Variants in VAV2 observed in about 807,000 individuals in gnomAD.
The protein encoded by VAV2 is guanine nucleotide exchange factor VAV2.
A neutral mutation model predicts 132.5 loss-of-function variants in VAV2; 67 were observed. The observed-to-expected ratio is 0.51, with a 90% confidence interval of 0.42 to 0.62. The LOEUF is 0.62. Ranked by LOEUF, VAV2 falls within the 20% of genes least tolerant of loss-of-function variation. The pLI, the probability that VAV2 is intolerant of heterozygous loss-of-function variation, is 0.00. For missense variants in VAV2, 938 were observed against 1,153.6 expected, an observed-to-expected ratio of 0.81 and a Z score of 2.71; for synonymous variants, 492 against 443.5, an observed-to-expected ratio of 1.11 and a Z score of -1.37.
intron 1 of VAV2, among the ~76,000 whole-genome samples, chr9:133,944,921 G>A (rs756511190): frequency 1.3e-5 from 2 of 152,210 alleles, no homozygotes; most frequent in East Asian, 3.9e-4. Flanking sequence ...CTGGCACAGA[G>A]CTCCAGGCCC....
intron 1 of VAV2, among the ~76,000 whole-genome samples, chr9:133,985,266 GTGTGTGTGTTTTGT>G (rs1309903408): frequency 7.0e-6 from 1 of 142,766 alleles, no homozygotes; most frequent in Non-Finnish European, 1.5e-5. Flanking sequence ...GTGTGTGTGT[GTGTGTGTGTTTTGT>G]TTTTGTTTTT....
At chr9:133,850,885 AGGG>A (rs1300358524) in intron 3 of VAV2, among the ~76,000 whole-genome samples, 1 of 152,254 alleles carries the variant, frequency 6.6e-6, no homozygotes, top group Non-Finnish European at 1.5e-5. Context: ...AATGGTGGGC[AGGG>A]TACCACCCTG....
At chr9:133,875,032 A>T (rs1474182841) in intron 2 of VAV2, among the ~76,000 whole-genome samples, 4 of 152,174 alleles carry the variant, frequency 2.6e-5, no homozygotes, top group Non-Finnish European at 5.9e-5. Context: ...CCCAGAAAGA[A>T]CAAGGGTGGG....
intron 2 of VAV2, among the ~76,000 whole-genome samples, chr9:133,937,472 CAT>C (rs1840959839): frequency 6.9e-6 from 1 of 145,254 alleles, no homozygotes; most frequent in Non-Finnish European, 1.5e-5. Context: ...TGAGTGTGAA[CAT>C]GTGTGGGGTG....
intron 7 of VAV2, among the ~76,000 whole-genome samples, chr9:133,808,837 C>T (rs980784631): frequency 6.6e-6 from 1 of 152,224 alleles, no homozygotes; most frequent in Admixed American, 6.5e-5. Context: ...GCCGGGACTT[C>T]AGGGGCTTCA....
At chr9:133,853,642 C>T (rs781397330) in intron 3 of VAV2, among the ~76,000 whole-genome samples, 4 of 152,106 alleles carry the variant, frequency 2.6e-5, no homozygotes, top group East Asian at 1.9e-4. Flanking sequence ...TGCACCAAAG[C>T]GCTTCCCCAC....
chr9:133,947,937 G>A (rs1841422740), intron 1 of VAV2, among the ~76,000 whole-genome samples: 1 of 151,880 alleles, frequency 6.6e-6, no homozygotes, highest in African/African-American at 2.4e-5. Flanking sequence ...CTACAGGCCT[G>A]TGCCACCAAT....
chr9:133,876,052 T>G (rs1051710263), intron 2 of VAV2, among the ~76,000 whole-genome samples: 11 of 152,244 alleles, frequency 7.2e-5, no homozygotes, highest in African/African-American at 2.4e-4. Context: ...GGGCTCAGAC[T>G]GGGACTCACG....
At chr9:133,818,872 G>C (rs922943386) in intron 4 of VAV2, among the ~76,000 whole-genome samples, 4 of 152,098 alleles carry the variant, frequency 2.6e-5, no homozygotes, top group Admixed American at 6.5e-5. Context: ...AGCCTCCCGA[G>C]TAGCTGGGAT....
Position 133,928,491 on chromosome 9 carries a change from C to A in VAV2, c.321+10612G>T, listed in dbSNP as rs1840561135. 6.6e-6 allele frequency among the ~76,000 whole-genome samples: 1 copy of A among 152,134 alleles called. No homozygotes were observed. The highest frequency in any genetic ancestry group is 2.4e-5 in the African/African-American group (1 of 41,412). On this transcript the variant is annotated intron_variant, in intron 2 of 29. Coordinates refer to ENST00000371850, the MANE Select transcript of VAV2 (RefSeq NM_001134398.2). The surrounding 1 kb of genome is among the most constrained non-coding windows in gnomAD (Gnocchi z 5.4). ...CTACAAAGACTAGCACGTCTCACTG[C>A]CAGCATTAAGGCAGGGAGTGCAAAT...
intron 3 of VAV2, among the ~76,000 whole-genome samples, chr9:133,859,816 G>A (rs2131863071): frequency 6.6e-6 from 1 of 152,266 alleles, no homozygotes; most frequent in South Asian, 2.1e-4. Flanking sequence ...GTTTTAAACG[G>A]TGCCTATTAC....
chr9:133,948,002 G>A (rs1376033581), intron 1 of VAV2, among the ~76,000 whole-genome samples: 3 of 152,070 alleles, frequency 2.0e-5, no homozygotes, highest in Admixed American at 1.3e-4. Context: ...CGTTGGCCAG[G>A]CTCGTCTCAA....
intron 1 of VAV2, among the ~76,000 whole-genome samples, chr9:133,943,438 T>G (rs1042549791): frequency 1.3e-5 from 2 of 152,242 alleles, no homozygotes; most frequent in African/African-American, 4.8e-5. Context: ...TGGCTTCAGC[T>G]GTCACCTGTG....
At chr9:133,945,431 A>G (rs959001414) in intron 1 of VAV2, among the ~76,000 whole-genome samples, 10 of 152,202 alleles carry the variant, frequency 6.6e-5, no homozygotes, top group Non-Finnish European at 1.3e-4. Flanking sequence ...ACTAGCACGC[A>G]TGCGCCATTT....
chr9:133,933,952 G>GATGGATGGA lies in VAV2; in HGVS notation c.321+5150_321+5151insTCCATCCAT, dbSNP rs57228303. 7.5e-3 allele frequency among the ~76,000 whole-genome samples: 971 copies of GATGGATGGA among 130,174 alleles called. 15 individuals are homozygous for GATGGATGGA. The highest frequency in any genetic ancestry group is 0.028 in the African/African-American group (893 of 31,334). 85.4% of individuals were successfully genotyped at this position (130,174 alleles called of 152,430 possible). The stretch of plus-strand genomic sequence containing the variant: ...GAATGGATGGATGGATGGATGGATG[G>GATGGATGGA]TGGATGGATGGATGAATGGATGGAA... On this transcript the variant is annotated intron_variant, in intron 2 of 29. Coordinates refer to ENST00000371850, the MANE Select transcript of VAV2 (RefSeq NM_001134398.2).
At position 133,917,919 on chromosome 9, in the gene VAV2, C is replaced by T. The variant is rs1588368262; in HGVS notation, c.321+21184G>A. Among the ~76,000 whole-genome samples the T allele has an allele frequency of 4.6e-5, 7 of 151,792 alleles. No homozygotes were observed. The South Asian group carries it at 1.5e-3, about 32-fold the overall frequency. On this transcript the variant is annotated intron_variant, in intron 2 of 29. Coordinates refer to ENST00000371850, the MANE Select transcript of VAV2 (RefSeq NM_001134398.2). The stretch of plus-strand genomic sequence containing the variant: ...CCCTGGTCCCCCGCCCTGGTCCCCC[C>T]ACCCTCCCGGCTGAATCCCCAGCCC...
At chr9:133,901,931 C>T (rs1005783724) in intron 2 of VAV2, among the ~76,000 whole-genome samples, 1 of 152,164 alleles carries the variant, frequency 6.6e-6, no homozygotes, top group African/African-American at 2.4e-5. Context: ...GGAGATGGGC[C>T]GACGTCCCTA....
intron 2 of VAV2, among the ~76,000 whole-genome samples, chr9:133,903,113 AGAG>A (rs1564451349): frequency 6.6e-6 from 1 of 151,004 alleles, no homozygotes; most frequent in Non-Finnish European, 1.5e-5. Flanking sequence ...GTTTGGACAC[AGAG>A]ATAGGCACAG....
At chr9:133,942,120 G>T (rs1367561400) in intron 1 of VAV2, among the ~76,000 whole-genome samples, 1 of 152,216 alleles carries the variant, frequency 6.6e-6, no homozygotes, top group Non-Finnish European at 1.5e-5. Context: ...GAAAACCGGA[G>T]AAGACACTGA....
Sources: allele counts gnomAD v4.1 joint callset (sites outside exome capture counted in the v4.1 genomes callset), GRCh38; gene constraint gnomAD v4.1.1; non-coding constraint Gnocchi (gnomAD v3.1); transcripts MANE v1.5; gene names NCBI Gene and HGNC (gene_info 2026-07-23, HGNC 2026-07-21).